Variants in SV2B observed in about 807,000 individuals in gnomAD.
SV2B encodes solute carrier family 22 member B2.
In SV2B, 41 loss-of-function variants were observed where a neutral mutation model predicts 73.9. That is an observed-to-expected ratio of 0.56 (90% CI 0.43 to 0.72). The LOEUF (loss-of-function observed/expected upper bound fraction) is 0.72, where lower values mean the gene tolerates loss of function less well. Among genes scored for constraint, SV2B ranks in the 30% least tolerant of loss-of-function variants. The pLI, the probability that SV2B is intolerant of heterozygous loss-of-function variation, is 0.00. For missense variants in SV2B, 764 were observed against 857.8 expected (o/e 0.89, Z 1.37); for synonymous variants, 314 against 314.2 (o/e 1.00, Z 0.01).
At position 91,268,607 on chromosome 15, in the gene SV2B, T is replaced by G. The variant is rs776482375; in HGVS notation, c.1373+2T>G. The G allele has an allele frequency of 7.5e-6, 12 of 1,608,994 alleles. No homozygotes were observed. The highest frequency in any genetic ancestry group is 2.6e-6 in the Non-Finnish European group (3 of 1,175,720). On this transcript the variant is annotated splice_donor_variant, in intron 9 of 12. Transcript: ENST00000394232. LOFTEE classifies it high-confidence loss of function. The surrounding 1 kb of genome is among the most constrained non-coding windows in gnomAD (Gnocchi z 4.4). ...ACATGGGAAACTTGTGAATGATAAGTAAGTGAGTGATCACGGGCTTCCCTC... is the reference window on the plus strand; with the variant it reads ...ACATGGGAAACTTGTGAATGATAAGGAAGTGAGTGATCACGGGCTTCCCTC...
chr15:91,301,261 G>C lies in SV2B; in HGVS notation c.*8709G>C, dbSNP rs1020576762. On this transcript the variant is annotated 3_prime_UTR_variant, in exon 13 of 13. Transcript: ENST00000394232. The surrounding 1 kb of genome is among the most constrained non-coding windows in gnomAD (Gnocchi z 4.3). ...AATAATTCTATGCATAGTGAATGCA[G>C]CTTCTGAATTATTAAACTGATGCTA... 3 of 152,194 alleles carry C rather than the reference G, an allele frequency of 2.0e-5. No individual in the cohort carries two copies. The highest frequency in any genetic ancestry group is 4.4e-5 in the Non-Finnish European group (3 of 68,030). 9.4% of individuals were successfully genotyped at this position (152,194 alleles called of 1,614,324 possible).
intron 1 of SV2B, among the ~76,000 whole-genome samples, chr15:91,219,542 AAAAG>A (rs1187497577): frequency 6.6e-6 from 1 of 152,200 alleles, no homozygotes; most frequent in African/African-American, 2.4e-5. Context: ...ATTCCAAGGA[AAAAG>A]AAGCCCATGA....
In SV2B at chr15:91,288,844, CT is replaced by C. The variant is rs373561537; in HGVS notation, c.1709-672del. 3.2e-3 allele frequency among the ~76,000 whole-genome samples: 487 copies of C among 152,112 alleles called. 2 individuals are homozygous for C. Among genetic ancestry groups the C allele is most frequent in the African/African-American group, 0.011 (472 of 41,488 alleles). Reference sequence around the variant, plus strand: ...AGGTGTGCACCACCGGGTCTGGCTACTTTTTGTCTTTTTCGTAGAGACAGTG... The same window carrying C: ...AGGTGTGCACCACCGGGTCTGGCTACTTTTGTCTTTTTCGTAGAGACAGTG... On this transcript the variant is annotated intron_variant, in intron 11 of 12. Transcript: ENST00000394232. This position sits in a 1 kb window ranked among gnomAD's most constrained non-coding sequence, Gnocchi z 5.8.
chr15:91,226,941 G>T (rs1047416837), intron 2 of SV2B, among the ~76,000 whole-genome samples: 2 of 152,146 alleles, frequency 1.3e-5, no homozygotes, highest in Admixed American at 6.5e-5. Flanking sequence ...CTCTTAGTTT[G>T]CTTTCCAGAT....
rs542414574 is a variant in SV2B, at chr15:91,100,297, G to A, written c.-458G>A. ...CTCCGCGTTAGCCGGAGCTGCACGC[G>A]GGGCTGCCGGGGCGGACGCTGCTCT... On this transcript the variant is annotated 5_prime_UTR_variant, in exon 1 of 13. Transcript: ENST00000394232. This position sits in a 1 kb window ranked among gnomAD's most constrained non-coding sequence, Gnocchi z 6.4. The A allele has an allele frequency of 1.0e-3, 156 of 152,368 alleles. No individual in the cohort carries two copies. Among genetic ancestry groups the A allele is most frequent in the Non-Finnish European group, 2.0e-3 (134 of 68,062 alleles). 9.4% of individuals were successfully genotyped at this position (152,368 alleles called of 1,614,324 possible). A position where few individuals can be genotyped will look rare whatever the true frequency, so the allele number is the denominator to read the frequency against.
chr15:91,211,998 C>T (rs2045885727), intron 1 of SV2B, among the ~76,000 whole-genome samples: 1 of 152,010 alleles, frequency 6.6e-6, no homozygotes, highest in Non-Finnish European at 1.5e-5. Flanking sequence ...ATCAACTCTA[C>T]TGTGAGAAAA....
rs2047583675 is a variant in SV2B at position 91,253,913 on chromosome 15, A to C, written c.784+1393A>C. Among the ~76,000 whole-genome samples the C allele has an allele frequency of 6.6e-6, 1 of 152,194 alleles. No homozygotes were observed. Reference sequence around the variant, plus strand: ...TGCCATATCTAGTACTTGAAAATCCACTGGATTTTATATCAGAAACAGAAA... The same window carrying C: ...TGCCATATCTAGTACTTGAAAATCCCCTGGATTTTATATCAGAAACAGAAA... On this transcript the variant is annotated intron_variant, in intron 4 of 12. Transcript: ENST00000394232. This position sits in a 1 kb window ranked among gnomAD's most constrained non-coding sequence, Gnocchi z 5.0.
At chr15:91,126,893 A>G (rs1192923001) in intron 1 of SV2B, among the ~76,000 whole-genome samples, 16 of 152,226 alleles carry the variant, frequency 1.1e-4, no homozygotes, top group African/African-American at 3.9e-4. Context: ...ACAGTGAACA[A>G]CGTCATAGTT....
chr15:91,187,348 G>T (rs540083248), intron 1 of SV2B, among the ~76,000 whole-genome samples: 54 of 152,200 alleles, frequency 3.5e-4, no homozygotes, highest in Non-Finnish European at 6.8e-4. Flanking sequence ...ATGAATTTCA[G>T]AGTCTCACAT....
Position 91,239,268 on chromosome 15 carries a change from T to G in SV2B, c.452-12551T>G, listed in dbSNP as rs1047204119. ...GATTTTGCTGACTCAGAGGCATTCATCAATCTCTGCTGGGGATGTGCAGAA... is the reference window on the plus strand; with the variant it reads ...GATTTTGCTGACTCAGAGGCATTCAGCAATCTCTGCTGGGGATGTGCAGAA... On this transcript the variant is annotated intron_variant, in intron 2 of 12. Coordinates refer to ENST00000394232, the MANE Select transcript of SV2B (RefSeq NM_001323032.3). This position sits in a 1 kb window ranked among gnomAD's most constrained non-coding sequence, Gnocchi z 5.1. Among the ~76,000 whole-genome samples the G allele has an allele frequency of 6.6e-6, 1 of 152,058 alleles. No homozygotes were observed. The highest frequency in any genetic ancestry group is 2.4e-5 in the African/African-American group (1 of 41,390).
In SV2B at chr15:91,265,367, C is replaced by G. The variant is rs74038405; in HGVS notation, c.1009-1215C>G. Among the ~76,000 whole-genome samples the G allele has an allele frequency of 3.5e-3, 534 of 152,328 alleles. 4 individuals are homozygous for G. The highest frequency in any genetic ancestry group is 0.012 in the African/African-American group (492 of 41,572). On this transcript the variant is annotated intron_variant, in intron 6 of 12. Transcript: ENST00000394232. This position sits in a 1 kb window ranked among gnomAD's most constrained non-coding sequence, Gnocchi z 4.2. Reference sequence around the variant, plus strand: ...AACACAGGCCATATTCTAATTTAGACTGAATCATAGACAATTGTTCTAATG... The same window carrying G: ...AACACAGGCCATATTCTAATTTAGAGTGAATCATAGACAATTGTTCTAATG...
intron 1 of SV2B, among the ~76,000 whole-genome samples, chr15:91,170,343 A>G (rs564059899): frequency 1.3e-5 from 2 of 152,278 alleles, no homozygotes; most frequent in African/African-American, 4.8e-5. Flanking sequence ...GCTGGAGTGC[A>G]GTGGCACAAT....
chr15:91,210,163 A>G (rs2045803587), intron 1 of SV2B, among the ~76,000 whole-genome samples: 1 of 151,970 alleles, frequency 6.6e-6, no homozygotes, highest in South Asian at 2.1e-4. Context: ...GTGAATTTAA[A>G]CAAAAATTAT....
At chr15:91,117,903 C>T (rs953355587) in intron 1 of SV2B, among the ~76,000 whole-genome samples, 6 of 152,116 alleles carry the variant, frequency 3.9e-5, no homozygotes, top group African/African-American at 9.7e-5. Flanking sequence ...TTTTTTATTG[C>T]CCCGAATGGG....
At position 91,220,362 on chromosome 15, in the gene SV2B, C is replaced by T. The variant is rs2046173114; in HGVS notation, c.-391-5511C>T. 6.6e-6 allele frequency among the ~76,000 whole-genome samples: 1 copy of T among 152,172 alleles called. No homozygotes were observed. Among genetic ancestry groups the T allele is most frequent in the Admixed American group, 6.6e-5 (1 of 15,266 alleles). ...GTTTTTGTTCAGGTCTTCTCATAGC[C>T]TTTAATATAGCAATGTGCATTGTGC... On this transcript the variant is annotated intron_variant, in intron 1 of 12. Coordinates refer to ENST00000394232, the MANE Select transcript of SV2B (RefSeq NM_001323032.3). The surrounding 1 kb of genome is among the most constrained non-coding windows in gnomAD (Gnocchi z 4.1).
intron 1 of SV2B, among the ~76,000 whole-genome samples, chr15:91,192,935 C>G (rs1373889521): frequency 6.6e-6 from 1 of 152,206 alleles, no homozygotes; most frequent in Non-Finnish European, 1.5e-5. Context: ...GCAGTTCAAA[C>G]CAGTCATTTG....
chr15:91,140,717 C>T lies in SV2B; in HGVS notation c.-392+40354C>T, dbSNP rs72764735. On this transcript the variant is annotated intron_variant, in intron 1 of 12. Transcript: ENST00000394232. The surrounding 1 kb of genome is among the most constrained non-coding windows in gnomAD (Gnocchi z 4.4). ...GGTGTGAGACATGTACTAGATACTT[C>T]TGTGGCTTAAAACACCACCTTCTAC... Among the ~76,000 whole-genome samples, 14,607 of 152,170 alleles carry T rather than the reference C, an allele frequency of 0.096. 803 individuals carry two copies. Among genetic ancestry groups the T allele is most frequent in the Non-Finnish European group, 0.12 (8,391 of 68,004 alleles).
chr15:91,184,296 C>T (rs969584646), intron 1 of SV2B, among the ~76,000 whole-genome samples: 2 of 152,178 alleles, frequency 1.3e-5, no homozygotes, highest in African/African-American at 2.4e-5. Context: ...GCTCTGGAGT[C>T]AGTCAGATGA....
rs959619634 is a variant in SV2B, at chr15:91,261,757, C to A, written c.1008+1348C>A. ...CTATTAGTCTGAATTTTGTTTCTTG[C>A]CAGTTTTAAAAGCAGACAAAACAAA... On this transcript the variant is annotated intron_variant, in intron 6 of 12. Coordinates refer to ENST00000394232, the MANE Select transcript of SV2B (RefSeq NM_001323032.3). The surrounding 1 kb of genome is among the most constrained non-coding windows in gnomAD (Gnocchi z 4.7). Among the ~76,000 whole-genome samples the A allele has an allele frequency of 5.3e-5, 8 of 152,132 alleles. No individual in the cohort carries two copies. Among genetic ancestry groups the A allele is most frequent in the Non-Finnish European group, 1.0e-4 (7 of 68,028 alleles).
Sources: gnomAD v4.1 joint callset for allele counts (sites outside exome capture counted in the v4.1 genomes callset) on GRCh38, gnomAD v4.1.1 for gene constraint, Gnocchi (gnomAD v3.1) non-coding constraint, MANE v1.5 for transcripts, NCBI Gene and HGNC (gene_info 2026-07-23, HGNC 2026-07-21) for gene names.